YPEL2: variants seen among roughly 807,000 people sequenced by gnomAD.
YPEL2 encodes the protein yippee like 2, also known as protein yippee-like 2.
In YPEL2, 2 loss-of-function variants were observed where a neutral mutation model predicts 19.1. The ratio of observed to expected loss-of-function variants is 0.10; its 90% confidence interval spans 0.04 to 0.33. YPEL2 has a LOEUF of 0.33. YPEL2 is among the 10% of genes least tolerant of loss of function. The pLI is 1.00. For synonymous variants in YPEL2, 52 were observed against 50.0 expected (o/e 1.04, Z -0.17); for missense variants, 66 against 140.7 (o/e 0.47, Z 2.68).
chr17:59,392,686 C>A (rs2048013782), intron 4 of YPEL2, among the ~76,000 whole-genome samples: 1 of 151,542 alleles, frequency 6.6e-6, no homozygotes, highest in South Asian at 2.1e-4. Flanking sequence ...AATTTTTTTT[C>A]TATTTTTAGT....
At chr17:59,359,981 C>T (rs1436848805) in intron 2 of YPEL2, among the ~76,000 whole-genome samples, 1 of 151,766 alleles carries the variant, frequency 6.6e-6, no homozygotes, top group Non-Finnish European at 1.5e-5. Flanking sequence ...CTCACTGCAA[C>T]CTCCGCCTCC....
At chr17:59,364,711 G>T (rs999841156) in intron 2 of YPEL2, among the ~76,000 whole-genome samples, 1 of 148,084 alleles carries the variant, frequency 6.8e-6, no homozygotes, top group East Asian at 2.1e-4. Context: ...TCCACCTCCC[G>T]AGTTGAAGCA....
At chr17:59,390,361 C>T (rs1188632886) in intron 4 of YPEL2, among the ~76,000 whole-genome samples, 1 of 152,148 alleles carries the variant, frequency 6.6e-6, no homozygotes, top group Admixed American at 6.5e-5. Context: ...AGGCTGGCCT[C>T]AAACTCCTGA....
chr17:59,394,081 T>A (rs997418967), intron 4 of YPEL2, among the ~76,000 whole-genome samples: 62 of 137,384 alleles, frequency 4.5e-4, no homozygotes, highest in Non-Finnish European at 8.4e-4. Context: ...CACTTCCCAG[T>A]AGGGGCGGCC....
In YPEL2 at chr17:59,357,253, G is replaced by C. The variant is rs371933243; in HGVS notation, c.117+3727G>C. On this transcript the variant is annotated intron_variant, in intron 2 of 4. Coordinates refer to ENST00000312655, the MANE Select transcript of YPEL2 (RefSeq NM_001005404.4). ...GGGTGGGTTGGAGGGGATTATTCCT[G>C]CCTGACACCAACTAGTTTTAGTTTG... is the stretch of plus-strand genomic sequence containing the variant. Among the ~76,000 whole-genome samples the C allele has an allele frequency of 7.2e-5, 11 of 152,300 alleles. No individual in the cohort carries two copies. The South Asian group carries it at 2.1e-3, about 29-fold the overall frequency.
At chr17:59,372,192 C>T (rs1296855574) in intron 2 of YPEL2, among the ~76,000 whole-genome samples, 1 of 152,146 alleles carries the variant, frequency 6.6e-6, no homozygotes, top group Non-Finnish European at 1.5e-5. Context: ...AGAAAGGTAG[C>T]AATTAAATGT....
At chr17:59,334,830 G>A (rs1479720906) in intron 1 of YPEL2, among the ~76,000 whole-genome samples, 2 of 152,160 alleles carry the variant, frequency 1.3e-5, no homozygotes, top group African/African-American at 2.4e-5. Context: ...GTTTGGCCAA[G>A]CAACTCACAT....
At chr17:59,385,931 G>A (rs978644828) in intron 2 of YPEL2, among the ~76,000 whole-genome samples, 1 of 152,228 alleles carries the variant, frequency 6.6e-6, no homozygotes, top group Non-Finnish European at 1.5e-5. Flanking sequence ...TTCAGAGAGA[G>A]ATTGAAGACA....
chr17:59,379,062 C>T (rs949294556), intron 2 of YPEL2, among the ~76,000 whole-genome samples: 3 of 152,202 alleles, frequency 2.0e-5, no homozygotes, highest in Admixed American at 2.0e-4. Context: ...TAACCCAAGT[C>T]TCTCTCATTT....
At chr17:59,360,129 T>A (rs1240099828) in intron 2 of YPEL2, among the ~76,000 whole-genome samples, 2 of 152,236 alleles carry the variant, frequency 1.3e-5, no homozygotes, top group African/African-American at 4.8e-5. Context: ...CAGGCTGGAG[T>A]GCAGTGGCAC....
chr17:59,332,693 G>T (rs139525812), intron 1 of YPEL2, among the ~76,000 whole-genome samples: 1 of 152,224 alleles, frequency 6.6e-6, no homozygotes, highest in Non-Finnish European at 1.5e-5. Flanking sequence ...TTCAGTCTTA[G>T]CTGCGAGAGT....
chr17:59,363,497 G>A (rs1193026789), intron 2 of YPEL2, among the ~76,000 whole-genome samples: 1 of 151,886 alleles, frequency 6.6e-6, no homozygotes, highest in Admixed American at 6.6e-5. Flanking sequence ...TAGTAAAGGT[G>A]TGGTTTCACC....
intron 2 of YPEL2, among the ~76,000 whole-genome samples, chr17:59,376,534 G>A (rs1299445136): frequency 6.6e-6 from 1 of 152,050 alleles, no homozygotes; most frequent in East Asian, 1.9e-4. Context: ...TTTGACCTTA[G>A]GCATATTTCC....
intron 1 of YPEL2, among the ~76,000 whole-genome samples, chr17:59,339,074 G>A (rs1357686180): frequency 6.6e-6 from 1 of 151,416 alleles, no homozygotes; most frequent in African/African-American, 2.4e-5. Context: ...CCTTTGTGTT[G>A]CCCCTACACG....
chr17:59,393,063 G>A (rs1378653311), intron 4 of YPEL2, among the ~76,000 whole-genome samples: 2 of 152,198 alleles, frequency 1.3e-5, no homozygotes, highest in Non-Finnish European at 2.9e-5. Flanking sequence ...TGTTTCTGTT[G>A]ACACCAGGTC....
intron 1 of YPEL2, among the ~76,000 whole-genome samples, chr17:59,344,464 A>G (rs976765102): frequency 6.6e-6 from 1 of 152,224 alleles, no homozygotes; most frequent in Non-Finnish European, 1.5e-5. Context: ...AAATAGTGTT[A>G]GCATTCAAAA....
At chr17:59,342,449 C>G (rs908790507) in intron 1 of YPEL2, among the ~76,000 whole-genome samples, 2 of 152,146 alleles carry the variant, frequency 1.3e-5, no homozygotes, top group East Asian at 1.9e-4. Context: ...GGTGCAGTAA[C>G]TTCTGAAGAT....
chr17:59,336,224 G>A (rs1272529027), intron 1 of YPEL2, among the ~76,000 whole-genome samples: 1 of 152,164 alleles, frequency 6.6e-6, no homozygotes, highest in Non-Finnish European at 1.5e-5. Flanking sequence ...TATGCTCTCA[G>A]AATTACTTTC....
chr17:59,388,659 C>T (rs2047993064), intron 3 of YPEL2, among the ~76,000 whole-genome samples: 1 of 152,176 alleles, frequency 6.6e-6, no homozygotes, highest in South Asian at 2.1e-4. Flanking sequence ...ACCTGAAGGG[C>T]TCATAATGAG....
Sources: gnomAD v4.1 joint callset for allele counts (sites outside exome capture counted in the v4.1 genomes callset) on GRCh38, gnomAD v4.1.1 for gene constraint, MANE v1.5 for transcripts, NCBI Gene and HGNC (gene_info 2026-07-23, HGNC 2026-07-21) for gene names.